Variants in GLI1 observed in about 807,000 individuals in gnomAD.
The protein encoded by GLI1 is transcription activator GLI1.
A neutral mutation model predicts 87.8 loss-of-function variants in GLI1; 51 were observed. The ratio of observed to expected loss-of-function variants is 0.58; its 90% CI spans 0.46 to 0.73. The LOEUF is 0.73. Ranked by LOEUF, GLI1 falls within the 30% of genes least tolerant of loss-of-function variation. GLI1 has a pLI of 0.00. For synonymous variants in GLI1, 528 were observed against 558.2 expected (o/e 0.95, Z 0.76); for missense variants, 1,292 against 1,437.2 (o/e 0.90, Z 1.63).
intron 7 of GLI1, 93 bp from the exon 8 acceptor site, chr12:57,466,147 T>G: frequency 1.5e-6 from 2 of 1,327,682 alleles, no homozygotes; most frequent in South Asian, 2.7e-5. Context: ...TGAGGTGGAG[T>G]CGTGGAAGAG....
Position 57,470,445 on chromosome 12 carries a change from T to A in GLI1, c.1705T>A (p.Ser569Thr), listed in dbSNP as rs1325105370. ...CCTGGCCTCTCCTTTCCCCCCTGGC[T>A]CCCCACCAGAGAATGGAGCATCCTC... Reference protein sequence around the residue: ...SSLASPFPPGSPPENGASSLP... With the variant: ...SSLASPFPPGTPPENGASSLP... Residue 569 changes from serine to threonine, a missense_variant, in exon 12 of 12, where the codon TCC becomes ACC. Coordinates refer to ENST00000228682, the MANE Select transcript of GLI1 (RefSeq NM_005269.3). The A allele has an allele frequency of 1.2e-6, 2 of 1,613,946 alleles. No homozygotes were observed. Among genetic ancestry groups the A allele is most frequent in the Non-Finnish European group, 1.7e-6 (2 of 1,179,990 alleles).
In GLI1 at chr12:57,472,239, C is replaced by A; in HGVS notation, c.*178C>A. On this transcript the variant is annotated 3_prime_UTR_variant, in exon 12 of 12. Coordinates refer to ENST00000228682, the MANE Select transcript of GLI1 (RefSeq NM_005269.3). ...AGAAATTTGATAATGACACTGTTTC[C>A]TGATAATAAAGGAACTGCATCAGAA... The A allele has an allele frequency of 1.7e-6, 1 of 596,734 alleles. No homozygotes were observed. Among genetic ancestry groups the A allele is most frequent in the Non-Finnish European group, 2.8e-6 (1 of 352,344 alleles). 37.0% of individuals were successfully genotyped at this position (596,734 alleles called of 1,614,324 possible). A position where few individuals can be genotyped will look rare whatever the true frequency, so the allele number is the denominator to read the frequency against.
In GLI1 at chr12:57,467,990, A is replaced by G; in HGVS notation, c.1078-4A>G. On this transcript the variant is annotated splice_polypyrimidine_tract_variant and splice_region_variant and intron_variant, in intron 9 of 11. Coordinates refer to ENST00000228682, the MANE Select transcript of GLI1 (RefSeq NM_005269.3). ...GCCTTCTGTCTCCACTCTCCACTCAACAGAAGCCGTATGTATGTAAGCTCC... is the reference window on the plus strand; with the variant it reads ...GCCTTCTGTCTCCACTCTCCACTCAGCAGAAGCCGTATGTATGTAAGCTCC... The G allele has an allele frequency of 6.2e-7, 1 of 1,607,426 alleles. No individual in the cohort carries two copies. Among genetic ancestry groups the G allele is most frequent in the East Asian group, 2.2e-5 (1 of 44,834 alleles).
intron 8 of GLI1, 125 bp from the exon 9 acceptor site, chr12:57,467,208 G>A (rs535372886): frequency 6.5e-5 from 49 of 759,468 alleles, no homozygotes; most frequent in African/African-American, 6.1e-4. Context: ...GAATTCTCTC[G>A]AAGCCCCAGT....
At chr12:57,461,838 G>T (rs1017338443) in intron 1 of GLI1, among the ~76,000 whole-genome samples, 3 of 152,320 alleles carry the variant, frequency 2.0e-5, no homozygotes, top group Middle Eastern at 3.4e-3. Flanking sequence ...CGAGGGGGAC[G>T]CTGGAAAACA....
In GLI1 at chr12:57,467,987, T is replaced by G. The variant is rs1871609399; in HGVS notation, c.1078-7T>G. On this transcript the variant is annotated splice_polypyrimidine_tract_variant and splice_region_variant and intron_variant, in intron 9 of 11. Coordinates refer to ENST00000228682, the MANE Select transcript of GLI1 (RefSeq NM_005269.3). ...TTTGCCTTCTGTCTCCACTCTCCAC[T>G]CAACAGAAGCCGTATGTATGTAAGC... 1 of 1,601,536 alleles carries G rather than the reference T, an allele frequency of 6.2e-7. No homozygotes were observed. The highest frequency in any genetic ancestry group is 1.1e-5 in the South Asian group (1 of 90,840).
Position 57,464,043 on chromosome 12 carries a change from G to T in GLI1, c.145G>T (p.Gly49Cys). 1 of 1,613,906 alleles carries T rather than the reference G, an allele frequency of 6.2e-7. No individual in the cohort carries two copies. Residue 49 changes from glycine (G) to cysteine (C), a missense_variant, in exon 3 of 12, where the codon GGC becomes TGC. Coordinates refer to ENST00000228682, the MANE Select transcript of GLI1 (RefSeq NM_005269.3). ...PFCHQANLMS[G>C]PHSYGPARET... ...CTGCCACCAAGCTAACCTCATGTCC[G>T]GCCCCCACAGTTATGGGCCAGCCAG...
Position 57,470,892 on chromosome 12 carries a change from C to T in GLI1, c.2152C>T (p.Leu718=), listed in dbSNP as rs1295739044. ...TGGGACCTCCATGGTGGGCAGTGGT[C>T]TGAACCCCTATATGGACTTCCCACC... ...EVGTSMVGSG[L]NPYMDFPPTD... is the part of the protein sequence containing the mutation. The change falls in exon 12 of 12, where the codon CTG becomes TTG. Residue 718 remains leucine (L), a synonymous_variant. Coordinates refer to ENST00000228682, the MANE Select transcript of GLI1 (RefSeq NM_005269.3). 1 of 1,613,028 alleles carries T rather than the reference C, an allele frequency of 6.2e-7. No individual in the cohort carries two copies. The highest frequency in any genetic ancestry group is 1.3e-5 in the African/African-American group (1 of 74,920).
intron 5 of GLI1, 146 bp from the exon 6 acceptor site, chr12:57,465,461 G>A: frequency 2.6e-6 from 2 of 768,346 alleles, no homozygotes; most frequent in Non-Finnish European, 4.3e-6. Flanking sequence ...CCATTCACCA[G>A]TGTAGTCTGA....
In GLI1 at chr12:57,471,079, G is replaced by T; in HGVS notation, c.2339G>T (p.Trp780Leu). 1 of 1,613,186 alleles carries T rather than the reference G, an allele frequency of 6.2e-7. No homozygotes were observed. Among genetic ancestry groups the T allele is most frequent in the Non-Finnish European group, 8.5e-7 (1 of 1,179,642 alleles). Residue 780 changes from tryptophan to leucine, a missense_variant, in exon 12 of 12, where the codon TGG becomes TTG. By Grantham distance (61) the Trp-to-Leu change is moderately conservative. Coordinates refer to ENST00000228682, the MANE Select transcript of GLI1 (RefSeq NM_005269.3). This position sits in a 1 kb window ranked among gnomAD's most constrained non-coding sequence, Gnocchi z 4.9. ...TATCCTGACCCCACCCAAGAAACAT[G>T]GGGTGAGTTCCCTTCCCACTCTGGG... ...ASYPDPTQET[W>L]GEFPSHSGLY...
At chr12:57,466,100 G>C in intron 7 of GLI1, 140 bp from the exon 8 acceptor site, 1 of 1,064,730 alleles carries the variant, frequency 9.4e-7, no homozygotes, top group South Asian at 1.5e-5. Flanking sequence ...GAAGACCTGA[G>C]ATGTGAGATA....
At position 57,465,206 on chromosome 12, in the gene GLI1, G is replaced by T. The variant is rs1464194780; in HGVS notation, c.485G>T (p.Gly162Val). Residue 162 changes from glycine (G) to valine (V), a missense_variant, in exon 5 of 12, where the codon GGT becomes GTT. Physicochemically the swap from Gly to Val is moderately radical, Grantham distance 109. Around this residue, in one of 3 missense-constraint regions of GLI1, gnomAD observed 383 missense variants for 368.4 expected, o/e 1.04. Transcript: ENST00000228682. ...TGTGGTCCCCATGACTCTGCCCGGGGTGGGATGATCCCACATCCTCAGTCC... is the reference window on the plus strand; with the variant it reads ...TGTGGTCCCCATGACTCTGCCCGGGTTGGGATGATCCCACATCCTCAGTCC... Reference protein sequence around the residue: ...QPCGPHDSARGGMIPHPQSRG... With the variant: ...QPCGPHDSARVGMIPHPQSRG... 1.9e-6 allele frequency: 3 copies of T among 1,613,958 alleles called. No homozygotes were observed. The highest frequency in any genetic ancestry group is 2.5e-6 in the Non-Finnish European group (3 of 1,179,970).
intron 1 of GLI1, among the ~76,000 whole-genome samples, chr12:57,462,225 C>T (rs1002118154): frequency 1.3e-5 from 2 of 152,050 alleles, no homozygotes; most frequent in Non-Finnish European, 2.9e-5. Context: ...GCCCCCCGCC[C>T]CCCAACATTA....
At position 57,471,985 on chromosome 12, in the gene GLI1, A is replaced by C. The variant is rs1239576042; in HGVS notation, c.3245A>C (p.Asn1082Thr). 6.3e-7 allele frequency: 1 copy of C among 1,583,558 alleles called. No individual in the cohort carries two copies. The highest frequency in any genetic ancestry group is 8.6e-7 in the Non-Finnish European group (1 of 1,166,952). The change falls in exon 12 of 12, where the codon AAC becomes ACC. Residue 1082 changes from asparagine to threonine, a missense_variant. This residue lies in a region of GLI1 where 897 missense variants were observed against 1,040.7 expected (regional missense o/e 0.86). Transcript: ENST00000228682. The surrounding 1 kb of genome is among the most constrained non-coding windows in gnomAD (Gnocchi z 4.9). ...ACCCCACCTCCCTCTGGGCCCCCCAACATGGCTGTGGGCAACATGAGTGTC... is the reference window on the plus strand; with the variant it reads ...ACCCCACCTCCCTCTGGGCCCCCCACCATGGCTGTGGGCAACATGAGTGTC... ...GHTPPPSGPP[N>T]MAVGNMSVLL...
At chr12:57,467,868 C>T in intron 9 of GLI1, 126 bp from the exon 10 acceptor site, 1 of 667,200 alleles carries the variant, frequency 1.5e-6, no homozygotes, top group Non-Finnish European at 2.6e-6. Flanking sequence ...GGCCTCCATC[C>T]TCCTTACTTC....
intron 9 of GLI1, 52 bp from the exon 10 acceptor site, chr12:57,467,942 C>A: frequency 7.6e-7 from 1 of 1,310,900 alleles, no homozygotes; most frequent in Non-Finnish European, 1.1e-6. Flanking sequence ...ATTTCTTCTG[C>A]ATTCTTCCGC....
chr12:57,466,141 G>A, intron 7 of GLI1, 99 bp from the exon 8 acceptor site: 2 of 1,277,290 alleles, frequency 1.6e-6, no homozygotes, highest in Non-Finnish European at 2.2e-6. Flanking sequence ...CCTCCTTGAG[G>A]TGGAGTCGTG....
At chr12:57,462,326 G>C (rs943301183) in intron 1 of GLI1, among the ~76,000 whole-genome samples, 1 of 152,126 alleles carries the variant, frequency 6.6e-6, no homozygotes, top group African/African-American at 2.4e-5. Flanking sequence ...CCAGGCTGCC[G>C]GGCCGGGCTG....
Position 57,464,045 on chromosome 12 carries a change from C to A in GLI1, c.147C>A (p.Gly49=). 1.9e-6 allele frequency: 3 copies of A among 1,613,818 alleles called. No individual in the cohort carries two copies. The highest frequency in any genetic ancestry group is 2.5e-6 in the Non-Finnish European group (3 of 1,179,664). ...GCCACCAAGCTAACCTCATGTCCGG[C>A]CCCCACAGTTATGGGCCAGCCAGAG... The part of the protein sequence containing the change: ...PFCHQANLMS[G]PHSYGPARET... The change falls in exon 3 of 12, where the codon GGC becomes GGA. Residue 49 remains glycine, a synonymous_variant. Coordinates refer to ENST00000228682, the MANE Select transcript of GLI1 (RefSeq NM_005269.3).
Sources: gnomAD v4.1 joint callset for allele counts (sites outside exome capture counted in the v4.1 genomes callset) on GRCh38, gnomAD v4.1.1 for gene constraint, gnomAD v4.1.1 regional missense constraint, Gnocchi (gnomAD v3.1) non-coding constraint, MANE v1.5 for transcripts, NCBI Gene and HGNC (gene_info 2026-07-23, HGNC 2026-07-21) for gene names.